TSPAN32: variants seen among roughly 807,000 people sequenced by gnomAD.
TSPAN32 encodes tetraspanin 32, also known as tetraspanin-32.
In TSPAN32, 47 loss-of-function variants were observed where a neutral mutation model predicts 42.7. The ratio of observed to expected loss-of-function variants is 1.10; its 90% CI spans 0.87 to 1.40. The LOEUF is 1.40. TSPAN32 is among the 40% of genes most tolerant of loss of function. The pLI, the probability that TSPAN32 is intolerant of heterozygous loss-of-function variation, is 0.00. For synonymous variants in TSPAN32, 175 were observed against 175.9 expected (o/e 0.99, Z 0.04); for missense variants, 469 against 424.1 (o/e 1.11, Z -0.93).
At chr11:2,307,161 G>A (rs1215235749) in intron 3 of TSPAN32, among the ~76,000 whole-genome samples, 1 of 152,152 alleles carries the variant, frequency 6.6e-6, no homozygotes, top group Non-Finnish European at 1.5e-5. Flanking sequence ...TGTCCCTGCA[G>A]GGCTGGAGGC....
rs559852061 is a variant in TSPAN32 at position 2,316,132 on chromosome 11, C to G, written c.544-97C>G. The G allele has an allele frequency of 5.4e-5, 82 of 1,519,862 alleles. No homozygotes were observed. In the East Asian group the frequency reaches 1.9e-3, roughly 35 times the overall value. 94.1% of individuals were successfully genotyped at this position (1,519,862 alleles called of 1,614,324 possible). A position where few individuals can be genotyped will look rare whatever the true frequency, so the allele number is the denominator to read the frequency against. On this transcript the variant is annotated intron_variant, in intron 6 of 9. Coordinates refer to ENST00000182290, the MANE Select transcript of TSPAN32 (RefSeq NM_139022.3). ...GCCGCCCTGCTGCCCTGGCATTGGC[C>G]TAGGTGGGCGCTGCAGCTCCATGGC... is the stretch of plus-strand genomic sequence containing the variant.
intron 6 of TSPAN32, chr11:2,315,534 C>A (rs1383671297): frequency 1.1e-5 from 13 of 1,161,854 alleles, no homozygotes; most frequent in Non-Finnish European, 1.4e-5. Context: ...TCCTGGGGAG[C>A]CGGAAGAGCC....
chr11:2,304,264 GA>G lies in TSPAN32; in HGVS notation c.279+61del. The stretch of plus-strand genomic sequence containing the variant: ...CAGAAAAGAATTAGAAAGGAGTGAA[GA>G]GCTGGCAGGGCTGTGTGCCACCCCC... On this transcript the variant is annotated intron_variant, in intron 3 of 9. Coordinates refer to ENST00000182290, the MANE Select transcript of TSPAN32 (RefSeq NM_139022.3). The surrounding 1 kb of genome is among the most constrained non-coding windows in gnomAD (Gnocchi z 4.8). 4 of 1,269,334 alleles carry G rather than the reference GA, an allele frequency of 3.2e-6. No homozygotes were observed. In the South Asian group the frequency reaches 5.8e-5, roughly 18 times the overall value. The allele number at this position is 1,269,334 out of a possible 1,614,324, so 78.6% of individuals were successfully genotyped here.
At chr11:2,312,725 C>G (rs1488781367) in intron 4 of TSPAN32, among the ~76,000 whole-genome samples, 1 of 152,216 alleles carries the variant, frequency 6.6e-6, no homozygotes. Context: ...GTGGCTAGAG[C>G]GGGCCTGGGG....
At chr11:2,308,103 C>G (rs1350874886) in intron 3 of TSPAN32, among the ~76,000 whole-genome samples, 11 of 152,290 alleles carry the variant, frequency 7.2e-5, no homozygotes, top group African/African-American at 2.2e-4. Flanking sequence ...CAGGGGTGCC[C>G]TGCCCCTGCT....
chr11:2,304,982 C>G lies in TSPAN32; in HGVS notation c.279+778C>G, dbSNP rs1208470754. Among the ~76,000 whole-genome samples, 1 of 152,210 alleles carries G rather than the reference C, an allele frequency of 6.6e-6. No homozygotes were observed. Among genetic ancestry groups the G allele is most frequent in the Admixed American group, 6.5e-5 (1 of 15,280 alleles). On this transcript the variant is annotated intron_variant, in intron 3 of 9. Coordinates refer to ENST00000182290, the MANE Select transcript of TSPAN32 (RefSeq NM_139022.3). The surrounding 1 kb of genome is among the most constrained non-coding windows in gnomAD (Gnocchi z 4.8). ...CTAGCCTCCCGTCTCCCCTTTCCAG[C>G]CATGAGGAGCTTGTGCTGGGGGCTT...
Position 2,313,087 on chromosome 11 carries a change from C to T in TSPAN32, c.355-567C>T, listed in dbSNP as rs368578839. On this transcript the variant is annotated intron_variant, in intron 4 of 9. Coordinates refer to ENST00000182290, the MANE Select transcript of TSPAN32 (RefSeq NM_139022.3). This position sits in a 1 kb window ranked among gnomAD's most constrained non-coding sequence, Gnocchi z 9.1. ...CCCGTCACCTTCCACCTTCTTCACC[C>T]CCTGCCCCACAGTGGCCTCGTCCAC... Among the ~76,000 whole-genome samples, 28 of 152,308 alleles carry T rather than the reference C, an allele frequency of 1.8e-4. 2 individuals carry two copies. Among genetic ancestry groups the T allele is most frequent in the African/African-American group, 6.7e-4 (28 of 41,564 alleles).
rs1300249004 is a variant in TSPAN32 at position 2,302,579 on chromosome 11, C to T, written c.67-265C>T. 3 of 554,466 alleles carry T rather than the reference C, an allele frequency of 5.4e-6. No individual in the cohort carries two copies. In the African/African-American group the frequency reaches 5.7e-5, roughly 11 times the overall value. The allele number at this position is 554,466 out of a possible 1,614,324, so 34.3% of individuals were successfully genotyped here. On this transcript the variant is annotated intron_variant, in intron 1 of 9. Transcript: ENST00000182290. ...GGGGCTCACTCCCACTCCGTAGACACAATGATCAGAGGTCCTGGGTGTCTG... is the reference window on the plus strand; with the variant it reads ...GGGGCTCACTCCCACTCCGTAGACATAATGATCAGAGGTCCTGGGTGTCTG...
chr11:2,311,047 G>A (rs1361913029), intron 4 of TSPAN32, among the ~76,000 whole-genome samples: 4 of 152,218 alleles, frequency 2.6e-5, no homozygotes, highest in East Asian at 1.9e-4. Context: ...GGTGAGAGCC[G>A]GGGGCCCAGA....
rs753878884 is a variant in TSPAN32, at chr11:2,316,389, G to C, written c.627+77G>C. ...GCCCAGCCCCCGACTCAGATGGAAG[G>C]GTGACCCGGGACAGGATCTCTGGTC... On this transcript the variant is annotated intron_variant, in intron 7 of 9. Transcript: ENST00000182290. The C allele has an allele frequency of 2.3e-5, 36 of 1,546,408 alleles. No individual in the cohort carries two copies. The South Asian group carries it at 3.4e-4, about 15-fold the overall frequency.
At chr11:2,309,541 C>G (rs1257624235) in intron 4 of TSPAN32, 10 of 354,520 alleles carry the variant, frequency 2.8e-5, no homozygotes, top group South Asian at 1.6e-4. Flanking sequence ...CGGGCGGCAC[C>G]AGGGACAGCC....
chr11:2,313,903 G>A lies in TSPAN32; in HGVS notation c.456+148G>A, dbSNP rs1022696883. 1 of 664,250 alleles carries A rather than the reference G, an allele frequency of 1.5e-6. No individual in the cohort carries two copies. Among genetic ancestry groups the A allele is most frequent in the Non-Finnish European group, 2.5e-6 (1 of 393,724 alleles). 41.1% of individuals were successfully genotyped at this position (664,250 alleles called of 1,614,324 possible). A position where few individuals can be genotyped will look rare whatever the true frequency, so the allele number is the denominator to read the frequency against. ...GCCAGAGTTGCCCCTCAGGGCTGGG[G>A]GCAAAAAGCTCCCACCCTCTGTCTG... On this transcript the variant is annotated intron_variant, in intron 5 of 9. Transcript: ENST00000182290. This position sits in a 1 kb window ranked among gnomAD's most constrained non-coding sequence, Gnocchi z 9.1.
At chr11:2,312,627 G>A (rs1848528884) in intron 4 of TSPAN32, among the ~76,000 whole-genome samples, 2 of 152,228 alleles carry the variant, frequency 1.3e-5, no homozygotes, top group South Asian at 2.1e-4. Context: ...CGCCCAGTTG[G>A]CCGCTGTCAG....
intron 4 of TSPAN32, among the ~76,000 whole-genome samples, chr11:2,312,005 C>CAGAGCCAGGCAGGGCAGGA (rs879940565): frequency 0.014 from 2,061 of 151,448 alleles, 22 homozygotes; most frequent in Non-Finnish European, 0.017. Flanking sequence ...AGCTGCTTGG[C>CAGAGCCAGGCAGGGCAGGA]AGAGCCAGGC....
chr11:2,314,429 C>A, intron 5 of TSPAN32, 56 bp from the exon 6 acceptor site: 1 of 1,441,938 alleles, frequency 6.9e-7, no homozygotes. Context: ...ATATGTGCTG[C>A]CCGCCTCCTG....
Position 2,313,255 on chromosome 11 carries a change from A to G in TSPAN32, c.355-399A>G, listed in dbSNP as rs1433356896. ...GCTTTCTGGGAGCTGAGGTCCTGGC[A>G]CAGGGTCTCTCAAGCCTTTTCCACC... On this transcript the variant is annotated intron_variant, in intron 4 of 9. Coordinates refer to ENST00000182290, the MANE Select transcript of TSPAN32 (RefSeq NM_139022.3). The surrounding 1 kb of genome is among the most constrained non-coding windows in gnomAD (Gnocchi z 9.1). 6.6e-6 allele frequency among the ~76,000 whole-genome samples: 1 copy of G among 152,148 alleles called. No individual in the cohort carries two copies. Among genetic ancestry groups the G allele is most frequent in the Non-Finnish European group, 1.5e-5 (1 of 68,020 alleles).
chr11:2,309,362 G>A (rs1223555375), intron 4 of TSPAN32: 2 of 470,370 alleles, frequency 4.3e-6, no homozygotes, highest in South Asian at 3.1e-5. Flanking sequence ...CCTGGAGGAG[G>A]GTCCGGCCTA....
rs151205868 is a variant in TSPAN32 at position 2,309,404 on chromosome 11, C to A, written c.354+594C>A. ...CGTGGGCAGGGGCCAAGGGCGTCCC[C>A]GTGGAAAGGCCAGCAGCTTGGAGAG... On this transcript the variant is annotated intron_variant, in intron 4 of 9. Coordinates refer to ENST00000182290, the MANE Select transcript of TSPAN32 (RefSeq NM_139022.3). 268 of 465,812 alleles carry A rather than the reference C, an allele frequency of 5.8e-4. 2 individuals carry two copies. The highest frequency in any genetic ancestry group is 1.6e-3 in the Middle Eastern group (5 of 3,050). The allele number at this position is 465,812 out of a possible 1,614,324, so 28.9% of individuals were successfully genotyped here. A position where few individuals can be genotyped will look rare whatever the true frequency, so the allele number is the denominator to read the frequency against.
rs140083459 is a variant in TSPAN32, at chr11:2,307,777, G to A, written c.280-959G>A. On this transcript the variant is annotated intron_variant, in intron 3 of 9. Transcript: ENST00000182290. ...CGCCCCACTCCACGACTAGGGGCAC[G>A]GGCATCAGTGAGAGAGAGGGGACAG... Among the ~76,000 whole-genome samples, 1,211 of 152,250 alleles carry A rather than the reference G, an allele frequency of 8.0e-3. 9 individuals are homozygous for A. The highest frequency in any genetic ancestry group is 0.015 in the Non-Finnish European group (990 of 68,000).
Sources: gnomAD v4.1 joint callset for allele counts (sites outside exome capture counted in the v4.1 genomes callset) on GRCh38, gnomAD v4.1.1 for gene constraint, Gnocchi (gnomAD v3.1) non-coding constraint, MANE v1.5 for transcripts, NCBI Gene and HGNC (gene_info 2026-07-23, HGNC 2026-07-21) for gene names.